The following MYH9 variants were observed in gnomAD, a reference collection of about 807,000 sequenced individuals.
The protein encoded by MYH9 is myosin heavy chain 9, also known as myosin-9.
MYH9 carries 29 observed loss-of-function variants against 241.9 expected under a neutral mutation model. That is an observed-to-expected ratio of 0.12 (90% CI 0.09 to 0.16). The LOEUF (loss-of-function observed/expected upper bound fraction) is 0.16, where lower values mean the gene tolerates loss of function less well. Ranked by LOEUF, MYH9 falls within the 10% of genes least tolerant of loss-of-function variation. The probability of loss-of-function intolerance (pLI) is 1.00; values close to 1 mark genes in which losing one functional copy is unlikely to be tolerated. For synonymous variants in MYH9, 1,047 were observed against 1,062.6 expected, an observed-to-expected ratio of 0.99 and a Z score of 0.29; for missense variants, 1,803 against 2,595.5, an observed-to-expected ratio of 0.69 and a Z score of 6.63.
chr22:36,371,315 G>A lies in MYH9; in HGVS notation c.-20+16492C>T, dbSNP rs115372384. Reference sequence around the variant, plus strand: ...CCCATGGCTGGTGTCCTTATAAGACGAGGAAGAGACACCAGGCGTGTGCGT... The same window carrying A: ...CCCATGGCTGGTGTCCTTATAAGACAAGGAAGAGACACCAGGCGTGTGCGT... On this transcript the variant is annotated intron_variant, in intron 1 of 40. Transcript: ENST00000216181. 7.6e-3 allele frequency among the ~76,000 whole-genome samples: 1,152 copies of A among 152,198 alleles called. 18 individuals are homozygous for A. Among genetic ancestry groups the A allele is most frequent in the African/African-American group, 0.027 (1,103 of 41,496 alleles).
intron 1 of MYH9, among the ~76,000 whole-genome samples, chr22:36,366,055 GT>G (rs2018005389): frequency 6.6e-6 from 1 of 152,068 alleles, no homozygotes; most frequent in South Asian, 2.1e-4. Flanking sequence ...AGGCACGGTG[GT>G]GGGCACCTGC....
chr22:36,302,981 G>A (rs945240639), intron 19 of MYH9, among the ~76,000 whole-genome samples: 1 of 152,332 alleles, frequency 6.6e-6, no homozygotes, highest in Admixed American at 6.5e-5. Flanking sequence ...TCAGTGTGGG[G>A]ACTGAGCGTG....
rs1361735292 is a variant in MYH9, at chr22:36,284,488, T to C, written c.5507A>G (p.Gln1836Arg). The stretch of plus-strand genomic sequence containing the variant: ...CAGCTTCTTCTCGGTCCGACGCACC[T>C]GTTTGCAGGCTGCCTGGCGCTCCCT... ...ETKERQAACK[Q>R]VRRTEKKLKD... Residue 1836 changes from glutamine (Q) to arginine (R), a missense_variant, in exon 39 of 41, where the codon CAG becomes CGG. Around this residue, in one of 11 missense-constraint regions of MYH9, gnomAD observed 876 missense variants for 1,077.8 expected, o/e 0.81. Transcript: ENST00000216181. 6.2e-7 allele frequency: 1 copy of C among 1,613,170 alleles called. No individual in the cohort carries two copies. The highest frequency in any genetic ancestry group is 8.5e-7 in the Non-Finnish European group (1 of 1,180,030).
At chr22:36,379,265 C>T (rs910032895) in intron 1 of MYH9, among the ~76,000 whole-genome samples, 6 of 152,084 alleles carry the variant, frequency 3.9e-5, no homozygotes, top group Non-Finnish European at 7.4e-5. Context: ...CCCAGCACTT[C>T]GGGAGGCCGA....
At chr22:36,338,551 G>A (rs1233624748) in intron 3 of MYH9, among the ~76,000 whole-genome samples, 1 of 151,342 alleles carries the variant, frequency 6.6e-6, no homozygotes, top group Non-Finnish European at 1.5e-5. Flanking sequence ...TGGGTGCGGT[G>A]GCTCACACCT....
intron 15 of MYH9, chr22:36,308,769 A>G (rs1048464395): frequency 4.1e-6 from 4 of 966,048 alleles, no homozygotes; most frequent in Non-Finnish European, 4.9e-6. Flanking sequence ...CTTTGGACGC[A>G]CCACACACAC....
intron 3 of MYH9, among the ~76,000 whole-genome samples, chr22:36,337,578 C>T (rs1016628212): frequency 1.3e-5 from 2 of 152,196 alleles, no homozygotes; most frequent in African/African-American, 2.4e-5. Context: ...CCAACTGCCC[C>T]GTTTGGCAGA....
intron 1 of MYH9, among the ~76,000 whole-genome samples, chr22:36,380,602 G>A (rs1361126008): frequency 2.0e-5 from 3 of 152,126 alleles, no homozygotes; most frequent in Admixed American, 6.6e-5. Flanking sequence ...TTAGCCAGGC[G>A]TGGTGACAGG....
chr22:36,356,126 A>G (rs2017851715), intron 1 of MYH9, among the ~76,000 whole-genome samples: 1 of 152,152 alleles, frequency 6.6e-6, no homozygotes, highest in Non-Finnish European at 1.5e-5. Context: ...GCCCTATTCC[A>G]GCCTCACCAC....
chr22:36,382,636 C>G (rs1176228542), intron 1 of MYH9, among the ~76,000 whole-genome samples: 1 of 151,998 alleles, frequency 6.6e-6, no homozygotes, highest in African/African-American at 2.4e-5. Context: ...AACCCCATCT[C>G]TACTAAAAAT....
intron 13 of MYH9, among the ~76,000 whole-genome samples, chr22:36,313,820 T>C (rs2017106393): frequency 6.6e-6 from 1 of 152,140 alleles, no homozygotes; most frequent in Non-Finnish European, 1.5e-5. Flanking sequence ...GAAATGCTTA[T>C]CGAGCCCAGC....
At chr22:36,364,257 CCATCTCACCTCTAGT>C (rs2017976601) in intron 1 of MYH9, among the ~76,000 whole-genome samples, 1 of 152,174 alleles carries the variant, frequency 6.6e-6, no homozygotes, top group Admixed American at 6.5e-5. Flanking sequence ...CCCCCAGTAG[CCATCTCACCTCTAGT>C]CCTGCAGGGC....
intron 24 of MYH9, among the ~76,000 whole-genome samples, chr22:36,298,048 G>A (rs1042919261): frequency 1.3e-5 from 2 of 152,166 alleles, no homozygotes; most frequent in African/African-American, 2.4e-5. Context: ...AGGTGAGGGA[G>A]GGTGTCTGTG....
intron 40 of MYH9, 123 bp downstream of exon 40, chr22:36,283,968 AGG>A: frequency 2.9e-5 from 33 of 1,145,930 alleles, no homozygotes; most frequent in Admixed American, 1.5e-4. Flanking sequence ...CAGAAGGGGC[AGG>A]GATTGCTTTG....
At chr22:36,338,768 C>G (rs912234394) in intron 3 of MYH9, among the ~76,000 whole-genome samples, 1 of 150,478 alleles carries the variant, frequency 6.6e-6, no homozygotes, top group Admixed American at 6.6e-5. Context: ...CGCAATGAGC[C>G]GAGATCGTGC....
rs1277824565 is a variant in MYH9 at position 36,295,286 on chromosome 22, A to G, written c.3486-210T>C. Among the ~76,000 whole-genome samples the G allele has an allele frequency of 6.6e-6, 1 of 152,182 alleles. No homozygotes were observed. The highest frequency in any genetic ancestry group is 6.5e-5 in the Admixed American group (1 of 15,274). On this transcript the variant is annotated intron_variant, in intron 26 of 40. Coordinates refer to ENST00000216181, the MANE Select transcript of MYH9 (RefSeq NM_002473.6). The surrounding 1 kb of genome is among the most constrained non-coding windows in gnomAD (Gnocchi z 4.1). The stretch of plus-strand genomic sequence containing the variant: ...CTGTAGCCTTTCAGCTTTAAAGCCC[A>G]GCCTTGCCTCACCCCCAACTTTGAG...
chr22:36,286,045 C>A, intron 35 of MYH9, 92 bp from the exon 36 acceptor site: 1 of 1,403,216 alleles, frequency 7.1e-7, no homozygotes. Flanking sequence ...TCAAGCCCTT[C>A]CCCAGGCCCA....
intron 1 of MYH9, among the ~76,000 whole-genome samples, chr22:36,371,024 C>T (rs118095204): frequency 0.028 from 4,275 of 152,244 alleles, 78 homozygotes; most frequent in Middle Eastern, 0.082. Context: ...AGCAATTAAA[C>T]AACCGGTAGA....
chr22:36,285,071 C>G lies in MYH9; in HGVS notation c.5483+50G>C, dbSNP rs2016555856. The G allele has an allele frequency of 6.3e-7, 1 of 1,579,752 alleles. No homozygotes were observed. Among genetic ancestry groups the G allele is most frequent in the African/African-American group, 1.3e-5 (1 of 74,420 alleles). On this transcript the variant is annotated intron_variant, in intron 38 of 40. Transcript: ENST00000216181. This position sits in a 1 kb window ranked among gnomAD's most constrained non-coding sequence, Gnocchi z 7.0. ...GATTTGGGCAGGACTGCAGGGGGGC[C>G]AGAGTTTTTTCCAGGACAGCTGGGG...
Sources: gnomAD v4.1 joint callset for allele counts (sites outside exome capture counted in the v4.1 genomes callset) on GRCh38, gnomAD v4.1.1 for gene constraint, gnomAD v4.1.1 regional missense constraint, Gnocchi (gnomAD v3.1) non-coding constraint, MANE v1.5 for transcripts, NCBI Gene and HGNC (gene_info 2026-07-23, HGNC 2026-07-21) for gene names.